The following DOCK8 variants were observed in gnomAD, a reference collection of about 807,000 sequenced individuals.
The protein encoded by DOCK8 is dedicator of cytokinesis protein 8.
Under a neutral mutation model 245.6 loss-of-function variants are expected in DOCK8, and 141 were observed. The ratio of observed to expected loss-of-function variants is 0.57; its 90% CI spans 0.50 to 0.66. The LOEUF is 0.66. Among genes scored for constraint, DOCK8 ranks in the 30% least tolerant of loss-of-function variants. The pLI is 0.00. For missense variants in DOCK8, 2,965 were observed against 2,603.4 expected (o/e 1.14, Z -3.02); for synonymous variants, 1,168 against 970.2 (o/e 1.20, Z -3.79).
intron 26 of DOCK8, among the ~76,000 whole-genome samples, chr9:400,488 T>C (rs867417859): frequency 1.9e-3 from 11 of 5,692 alleles, no homozygotes; most frequent in African/African-American, 4.6e-3. Context: ...TCCTTCACCA[T>C]CACCACCACC....
chr9:330,896 C>T (rs1331939102), intron 9 of DOCK8, among the ~76,000 whole-genome samples: 1 of 152,166 alleles, frequency 6.6e-6, no homozygotes, highest in African/African-American at 2.4e-5. Flanking sequence ...TCTCCTTGCC[C>T]ACTGCAGCCA....
intron 26 of DOCK8, among the ~76,000 whole-genome samples, chr9:403,908 A>ACATATATATG (rs2055247685): frequency 1.1e-5 from 1 of 87,446 alleles, no homozygotes; most frequent in African/African-American, 7.0e-5. Flanking sequence ...ATATATATAT[A>ACATATATATG]TATATATACA....
chr9:446,512 A>T lies in DOCK8; in HGVS notation c.5723A>T (p.Glu1908Val). Residue 1908 changes from glutamate to valine, a missense_variant, in exon 44 of 48, where the codon GAG (glutamate) becomes GTG (valine). Physicochemically the swap from Glu to Val is moderately radical, Grantham distance 121. Transcript: ENST00000432829. ...ACCCTGGAGGGGCGGCCTCGGGGAG[A>T]GCTGCATGAGCAGTACAGAAGGAAC... is the stretch of plus-strand genomic sequence containing the variant. ...PFTLEGRPRG[E>V]LHEQYRRNTV... The T allele has an allele frequency of 1.2e-6, 2 of 1,614,168 alleles. No homozygotes were observed. The highest frequency in any genetic ancestry group is 1.7e-6 in the Non-Finnish European group (2 of 1,180,012).
intron 28 of DOCK8, among the ~76,000 whole-genome samples, chr9:412,755 A>C (rs1406960382): frequency 6.6e-6 from 1 of 152,224 alleles, no homozygotes; most frequent in Non-Finnish European, 1.5e-5. Flanking sequence ...TGTTGAAAGA[A>C]AGATATAAAT....
intron 26 of DOCK8, 141 bp downstream of exon 26, chr9:399,400 C>A: frequency 1.4e-6 from 1 of 711,128 alleles, no homozygotes; most frequent in Non-Finnish European, 2.5e-6. Flanking sequence ...TGCAGCACGT[C>A]CCTCATGTCT....
intron 5 of DOCK8, among the ~76,000 whole-genome samples, chr9:310,137 C>G (rs56323124): frequency 6.6e-6 from 1 of 151,994 alleles, no homozygotes; most frequent in Non-Finnish European, 1.5e-5. Context: ...CGTGGTGGCG[C>G]GTGCCTGTAA....
At chr9:270,266 C>G (rs141941341) in intron 1 of DOCK8, among the ~76,000 whole-genome samples, 2 of 152,188 alleles carry the variant, frequency 1.3e-5, no homozygotes, top group African/African-American at 4.8e-5. Context: ...ACTTCCTTGC[C>G]TCATCATGTA....
intron 14 of DOCK8, among the ~76,000 whole-genome samples, chr9:346,792 C>T (rs368303249): frequency 3.3e-4 from 50 of 152,130 alleles, no homozygotes; most frequent in African/African-American, 7.7e-4. Flanking sequence ...AAAGGAATGG[C>T]GTAGCATGCA....
intron 4 of DOCK8, among the ~76,000 whole-genome samples, chr9:297,324 C>T (rs574546035): frequency 9.1e-4 from 139 of 152,244 alleles, no homozygotes; most frequent in African/African-American, 2.8e-3. Flanking sequence ...GCACCCAGTT[C>T]CTTCTGACTC....
chr9:422,166 T>A, intron 33 of DOCK8, 31 bp downstream of exon 33: 2 of 1,582,652 alleles, frequency 1.3e-6, no homozygotes, highest in South Asian at 2.2e-5. Context: ...CTGCTACTTT[T>A]ACCTAAAGTC....
chr9:387,452 A>G (rs1185302605), intron 23 of DOCK8, among the ~76,000 whole-genome samples: 4 of 152,274 alleles, frequency 2.6e-5, no homozygotes, highest in East Asian at 3.9e-4. Flanking sequence ...CAAAAAAAAA[A>G]AAAAAGAAAA....
At chr9:451,374 G>A (rs4740772) in intron 45 of DOCK8, among the ~76,000 whole-genome samples, 89,597 of 151,592 alleles carry the variant, frequency 0.59, 29,538 homozygotes, top group East Asian at 0.98. Flanking sequence ...TGTAATCCCA[G>A]CAATTTGGGA....
intron 15 of DOCK8, 137 bp downstream of exon 15, chr9:368,272 T>C: frequency 1.2e-6 from 1 of 815,122 alleles, no homozygotes. Flanking sequence ...CAAGGGCTTC[T>C]GTGCCCAGGA....
intron 1 of DOCK8, among the ~76,000 whole-genome samples, chr9:230,046 C>T (rs926868691): frequency 6.8e-6 from 1 of 146,226 alleles, no homozygotes; most frequent in Admixed American, 6.9e-5. Context: ...TAATGCTATC[C>T]CTCACCCCTC....
chr9:216,537 C>CAAAAAAAAAAAAAAAAAAAAAAAAAAAAA (rs59529982), intron 1 of DOCK8, among the ~76,000 whole-genome samples: 1 of 88,922 alleles, frequency 1.1e-5, no homozygotes, highest in Non-Finnish European at 2.1e-5. Flanking sequence ...AAAAAACAGA[C>CAAAAAAAAAAAAAAAAAAAAAAAAAAAAA]AAAAAAAAAA....
At chr9:240,044 A>G (rs1283912011) in intron 1 of DOCK8, among the ~76,000 whole-genome samples, 1 of 152,214 alleles carries the variant, frequency 6.6e-6, no homozygotes, top group East Asian at 1.9e-4. Flanking sequence ...GATAAATGCT[A>G]GAAATAGAAC....
chr9:312,259 C>A (rs1171768255), intron 6 of DOCK8, 93 bp downstream of exon 6: 2 of 1,445,794 alleles, frequency 1.4e-6, no homozygotes, highest in Non-Finnish European at 1.9e-6. Flanking sequence ...ATATAGCAGC[C>A]CATGGTGTCA....
intron 34 of DOCK8, 23 bp downstream of exon 34, chr9:427,004 C>A: frequency 6.3e-7 from 1 of 1,590,386 alleles, no homozygotes; most frequent in South Asian, 1.1e-5. Context: ...AACACCCAAT[C>A]TGATTTGTTG....
Position 408,533 on chromosome 9 carries a change from C to A in DOCK8, c.3530+1464C>A, listed in dbSNP as rs188785617. 3.7e-4 allele frequency among the ~76,000 whole-genome samples: 57 copies of A among 152,250 alleles called. No homozygotes were observed. The East Asian group carries it at 8.9e-3, about 24-fold the overall frequency. ...CTACAACTAACATAAATTTCCACAG[C>A]AACAAAAAGTGCACCGAACACTTAT... On this transcript the variant is annotated intron_variant, in intron 28 of 47. Transcript: ENST00000432829.
Sources: allele counts gnomAD v4.1 joint callset (sites outside exome capture counted in the v4.1 genomes callset), GRCh38; gene constraint gnomAD v4.1.1; transcripts MANE v1.5; gene names NCBI Gene and HGNC (gene_info 2026-07-23, HGNC 2026-07-21).